Variants in THSD7B observed in about 807,000 individuals in gnomAD.
The protein encoded by THSD7B is thrombospondin type-1 domain-containing protein 7B.
In THSD7B, 138 loss-of-function variants were observed where a neutral mutation model predicts 213.6. The ratio of observed to expected loss-of-function variants is 0.65; its 90% CI spans 0.56 to 0.74. THSD7B has a LOEUF of 0.74. THSD7B is among the 30% of genes least tolerant of loss of function. The pLI, the probability that THSD7B is intolerant of heterozygous loss-of-function variation, is 0.00. For missense variants in THSD7B, 1,931 were observed against 1,991.5 expected, an observed-to-expected ratio of 0.97 and a Z score of 0.58; for synonymous variants, 742 against 687.0, an observed-to-expected ratio of 1.08 and a Z score of -1.25.
intron 15 of THSD7B, among the ~76,000 whole-genome samples, chr2:137,539,210 A>G (rs1390531389): frequency 2.0e-5 from 3 of 151,682 alleles, no homozygotes; most frequent in African/African-American, 7.2e-5. Flanking sequence ...CTGGAGTGAT[A>G]TTTATAATGC....
At chr2:137,213,521 A>G (rs1020713118) in intron 7 of THSD7B, among the ~76,000 whole-genome samples, 1 of 149,146 alleles carries the variant, frequency 6.7e-6, no homozygotes, top group Admixed American at 6.8e-5. Flanking sequence ...TATTCTATAT[A>G]ATTTAATAGT....
chr2:137,550,378 T>A (rs371636331), intron 15 of THSD7B, among the ~76,000 whole-genome samples: 2 of 152,254 alleles, frequency 1.3e-5, no homozygotes, highest in African/African-American at 4.8e-5. Context: ...GTGTATTCAA[T>A]TTGAAGTCAT....
At chr2:136,928,439 T>C (rs2105043446) in intron 2 of THSD7B, among the ~76,000 whole-genome samples, 1 of 152,272 alleles carries the variant, frequency 6.6e-6, no homozygotes, top group Admixed American at 6.5e-5. Context: ...TAGCGTTTGT[T>C]TTTAGCCTAA....
chr2:137,274,467 C>T (rs1409826245), intron 11 of THSD7B, among the ~76,000 whole-genome samples: 1 of 151,978 alleles, frequency 6.6e-6, no homozygotes, highest in African/African-American at 2.4e-5. Context: ...GTAGAATTGG[C>T]AATAAGAAGT....
intron 14 of THSD7B, among the ~76,000 whole-genome samples, chr2:137,428,237 G>A (rs10164704): frequency 0.99 from 150,039 of 152,228 alleles, 73,967 homozygotes; most frequent in Non-Finnish European, 1. Flanking sequence ...AGGAACTACA[G>A]ACCAAAGCCC....
At chr2:137,539,122 A>G (rs1162149454) in intron 15 of THSD7B, among the ~76,000 whole-genome samples, 1 of 151,662 alleles carries the variant, frequency 6.6e-6, no homozygotes, top group Non-Finnish European at 1.5e-5. Context: ...GTACACCCCA[A>G]TTCTTACTTG....
intron 2 of THSD7B, among the ~76,000 whole-genome samples, chr2:136,958,768 C>A (rs944557030): frequency 2.6e-5 from 4 of 152,162 alleles, no homozygotes; most frequent in Non-Finnish European, 5.9e-5. Flanking sequence ...TTAGATCAAG[C>A]TTATTAGATC....
At chr2:136,810,659 G>A (rs1203971422) in intron 1 of THSD7B, among the ~76,000 whole-genome samples, 2 of 152,156 alleles carry the variant, frequency 1.3e-5, no homozygotes, top group African/African-American at 4.8e-5. Context: ...TAGTGCAATG[G>A]GCTCTGCACA....
At position 137,233,057 on chromosome 2, in the gene THSD7B, G is replaced by A. The variant is rs1293780407; in HGVS notation, c.2074G>A (p.Ala692Thr). Residue 692 changes from alanine to threonine, a missense_variant, in exon 9 of 28, where the codon GCC becomes ACC. Coordinates refer to ENST00000409968, the MANE Select transcript of THSD7B (RefSeq NM_001316349.2). ...TGCAACCATTGGCTGGAATGGAGAA[G>A]CCACGTGTGGTGTAGGCATTCAGAC... ...LNATIGWNGEATCGVGIQTRR... is the reference protein window; with the variant it reads ...LNATIGWNGETTCGVGIQTRR... 2 of 1,613,960 alleles carry A rather than the reference G, an allele frequency of 1.2e-6. 1 individual carries two copies. The highest frequency in any genetic ancestry group is 2.2e-5 in the South Asian group (2 of 91,084).
chr2:136,846,742 G>A (rs1228599536), intron 1 of THSD7B, among the ~76,000 whole-genome samples: 2 of 152,130 alleles, frequency 1.3e-5, no homozygotes, highest in Non-Finnish European at 2.9e-5. Flanking sequence ...AGGTGCAGAA[G>A]AAAATCACCC....
At chr2:137,281,302 A>T (rs1558741056) in intron 12 of THSD7B, among the ~76,000 whole-genome samples, 1 of 152,058 alleles carries the variant, frequency 6.6e-6, no homozygotes, top group Non-Finnish European at 1.5e-5. Context: ...TGGGAAAAAA[A>T]ATTGAGCAAA....
At chr2:136,785,180 A>G (rs1008386239) in intron 1 of THSD7B, among the ~76,000 whole-genome samples, 15 of 152,164 alleles carry the variant, frequency 9.9e-5, no homozygotes, top group Middle Eastern at 3.2e-3. Flanking sequence ...GGCCTCTGCA[A>G]CATATCCTAG....
intron 12 of THSD7B, among the ~76,000 whole-genome samples, chr2:137,369,600 G>A (rs1685500434): frequency 6.6e-6 from 1 of 152,202 alleles, no homozygotes; most frequent in Admixed American, 6.5e-5. Flanking sequence ...ACTAAGAGCT[G>A]CAAAGCAAAC....
At chr2:136,806,736 C>T (rs765400729) in intron 1 of THSD7B, among the ~76,000 whole-genome samples, 6 of 152,206 alleles carry the variant, frequency 3.9e-5, no homozygotes, top group East Asian at 1.9e-4. Flanking sequence ...CTACTTTCTG[C>T]GCTTCATTTT....
intron 2 of THSD7B, among the ~76,000 whole-genome samples, chr2:136,957,437 G>T (rs1324110823): frequency 2.3e-5 from 3 of 129,982 alleles, no homozygotes; most frequent in Non-Finnish European, 3.1e-5. Context: ...CCAATACAAC[G>T]TTTTTTTTTT....
intron 12 of THSD7B, among the ~76,000 whole-genome samples, chr2:137,348,646 A>G (rs1393884617): frequency 3.3e-5 from 5 of 150,862 alleles, no homozygotes; most frequent in Admixed American, 6.6e-5. Flanking sequence ...TATCTGAAAC[A>G]GTAGTAGTAT....
rs529507198 is a variant in THSD7B at position 136,971,349 on chromosome 2, T to A, written c.140-85071T>A. Among the ~76,000 whole-genome samples the A allele has an allele frequency of 2.0e-5, 3 of 152,240 alleles. No homozygotes were observed. The East Asian group carries it at 5.8e-4, about 29-fold the overall frequency. ...TTCTGGCATAATCATTGATAACACA[T>A]ACTTTTACTCTCAGAAGCGACACAG... On this transcript the variant is annotated intron_variant, in intron 2 of 27. Coordinates refer to ENST00000409968, the MANE Select transcript of THSD7B (RefSeq NM_001316349.2).
At chr2:136,803,675 C>T (rs180993352) in intron 1 of THSD7B, among the ~76,000 whole-genome samples, 2 of 152,256 alleles carry the variant, frequency 1.3e-5, no homozygotes, top group East Asian at 3.9e-4. Flanking sequence ...TAGGAATTGG[C>T]TCACATGATT....
At chr2:137,192,005 A>G (rs1163516132) in intron 7 of THSD7B, among the ~76,000 whole-genome samples, 1 of 152,176 alleles carries the variant, frequency 6.6e-6, no homozygotes, top group East Asian at 1.9e-4. Context: ...GAATATACCA[A>G]TAACTGAATC....
Sources: allele counts gnomAD v4.1 joint callset (sites outside exome capture counted in the v4.1 genomes callset), GRCh38; gene constraint gnomAD v4.1.1; transcripts MANE v1.5; gene names NCBI Gene and HGNC (gene_info 2026-07-23, HGNC 2026-07-21).